Variants in ARHGAP39 observed in about 807,000 individuals in gnomAD.
ARHGAP39 encodes the protein Rho GTPase activating protein 39, also known as rho GTPase-activating protein 39.
ARHGAP39 carries 44 observed loss-of-function variants against 106.9 expected under a neutral mutation model. That is an observed-to-expected ratio of 0.41 (90% CI 0.32 to 0.53). The LOEUF (loss-of-function observed/expected upper bound fraction) is 0.53, where lower values mean the gene tolerates loss of function less well. Ranked by LOEUF, ARHGAP39 falls within the 20% of genes least tolerant of loss-of-function variation. The pLI, the probability that ARHGAP39 is intolerant of heterozygous loss-of-function variation, is 0.21. For missense variants in ARHGAP39, 1,496 were observed against 1,577.3 expected, an observed-to-expected ratio of 0.95 and a Z score of 0.87; for synonymous variants, 768 against 693.2, an observed-to-expected ratio of 1.11 and a Z score of -1.69.
chr8:144,557,018 G>C (rs1010395936), intron 3 of ARHGAP39, among the ~76,000 whole-genome samples: 1 of 143,996 alleles, frequency 6.9e-6, no homozygotes, highest in African/African-American at 2.8e-5. Context: ...AACCTTCATA[G>C]TATTCAGTGG....
intron 1 of ARHGAP39, among the ~76,000 whole-genome samples, chr8:144,675,997 T>C (rs1216411206): frequency 6.6e-6 from 1 of 152,200 alleles, no homozygotes; most frequent in East Asian, 1.9e-4. Context: ...AGTGGGTTCA[T>C]GGTCTCGCTG....
At chr8:144,562,086 TCGGAC>T (rs1376288467) in intron 3 of ARHGAP39, among the ~76,000 whole-genome samples, 59 of 146,860 alleles carry the variant, frequency 4.0e-4, no homozygotes, top group Admixed American at 8.8e-4. Context: ...GTGGTTTCCA[TCGGAC>T]TTACTCCAGT....
intron 1 of ARHGAP39, among the ~76,000 whole-genome samples, chr8:144,617,585 CAAAA>C (rs869298361): frequency 5.8e-5 from 4 of 68,594 alleles, no homozygotes; most frequent in East Asian, 4.0e-4. Context: ...ACTGAAAAGA[CAAAA>C]AAAAAAAAAA....
At chr8:144,638,164 T>G (rs1487843167) in intron 1 of ARHGAP39, among the ~76,000 whole-genome samples, 2 of 152,206 alleles carry the variant, frequency 1.3e-5, no homozygotes, top group African/African-American at 2.4e-5. Context: ...CTCTCAATAT[T>G]GAAGATGAAC....
chr8:144,556,942 G>A (rs1307011532), intron 3 of ARHGAP39, among the ~76,000 whole-genome samples: 1 of 142,342 alleles, frequency 7.0e-6, no homozygotes, highest in African/African-American at 3.0e-5. Flanking sequence ...AGAGGCAAAA[G>A]GCTGAACCTT....
chr8:144,529,401 G>C lies in ARHGAP39; in HGVS notation c.*1021C>G, dbSNP rs1816556527. On this transcript the variant is annotated 3_prime_UTR_variant, in exon 12 of 12. Transcript: ENST00000377307. ...GGAGAAATTAAGTTTTACAACAATT[G>C]GAACTCAAAATTCCAAAATGGAAAA... 1 of 152,480 alleles carries C rather than the reference G, an allele frequency of 6.6e-6. No homozygotes were observed. The highest frequency in any genetic ancestry group is 1.5e-5 in the Non-Finnish European group (1 of 68,160). 9.4% of individuals were successfully genotyped at this position (152,480 alleles called of 1,614,324 possible).
rs146590658 is a variant in ARHGAP39 at position 144,574,631 on chromosome 8, G to A, written c.512+6215C>T. Among the ~76,000 whole-genome samples, 5 of 152,252 alleles carry A rather than the reference G, an allele frequency of 3.3e-5. No homozygotes were observed. In the East Asian group the frequency reaches 5.8e-4, roughly 18 times the overall value. ...GGAGCTTGCAGTAAGCTGAGATTGCGGCACTGCATTCCAGCCTGGGCGACA... is the reference window on the plus strand; with the variant it reads ...GGAGCTTGCAGTAAGCTGAGATTGCAGCACTGCATTCCAGCCTGGGCGACA... On this transcript the variant is annotated intron_variant, in intron 3 of 11. Transcript: ENST00000377307.
At chr8:144,532,226 C>A in intron 10 of ARHGAP39, 79 bp downstream of exon 10, 1 of 1,262,390 alleles carries the variant, frequency 7.9e-7, no homozygotes, top group Non-Finnish European at 1.1e-6. Flanking sequence ...AGGGTGGACC[C>A]CAGAGGCGGA....
intron 10 of ARHGAP39, 103 bp downstream of exon 10, chr8:144,532,202 C>T: frequency 2.1e-6 from 2 of 940,942 alleles, no homozygotes. Flanking sequence ...GCCATCACAT[C>T]ACTGGGCAGG....
chr8:144,655,780 T>C (rs1821678583), intron 1 of ARHGAP39, among the ~76,000 whole-genome samples: 1 of 152,022 alleles, frequency 6.6e-6, no homozygotes, highest in Non-Finnish European at 1.5e-5. Flanking sequence ...GCCACCGAGG[T>C]TTCTGGCCAG....
At chr8:144,589,353 G>A (rs1586585102) in intron 2 of ARHGAP39, among the ~76,000 whole-genome samples, 1 of 152,202 alleles carries the variant, frequency 6.6e-6, no homozygotes, top group Non-Finnish European at 1.5e-5. Context: ...GGCGTGTCCC[G>A]GCAGGGCCTA....
intron 3 of ARHGAP39, among the ~76,000 whole-genome samples, chr8:144,568,319 G>T: frequency 8.9e-6 from 1 of 112,478 alleles, no homozygotes; most frequent in East Asian, 2.9e-4. Context: ...GGGTGACAGA[G>T]TGAGACTCTG....
chr8:144,612,440 G>A, intron 1 of ARHGAP39, among the ~76,000 whole-genome samples: 2 of 886 alleles, frequency 2.3e-3, no homozygotes, highest in African/African-American at 0.022. Flanking sequence ...CTGCACTCCA[G>A]CCAGGGCGAC....
the ARHGAP39 span, among the ~76,000 whole-genome samples, chr8:144,692,386 G>C: frequency 6.6e-6 from 1 of 152,208 alleles, no homozygotes; most frequent in Non-Finnish European, 1.5e-5. Context: ...ACAGACATCA[G>C]CCCCTCAGCT....
At chr8:144,661,985 T>C (rs1217383383) in intron 1 of ARHGAP39, among the ~76,000 whole-genome samples, 1 of 139,946 alleles carries the variant, frequency 7.1e-6, no homozygotes, top group Non-Finnish European at 1.5e-5. Flanking sequence ...ACCCTCCCCA[T>C]TATCCACCTT....
chr8:144,621,743 C>G (rs1820812515), intron 1 of ARHGAP39, among the ~76,000 whole-genome samples: 1 of 152,112 alleles, frequency 6.6e-6, no homozygotes. Flanking sequence ...GCTTGAGGCC[C>G]TGAGGTAGAG....
chr8:144,643,842 A>C (rs1454950083), intron 1 of ARHGAP39, among the ~76,000 whole-genome samples: 1 of 152,210 alleles, frequency 6.6e-6, no homozygotes, highest in Admixed American at 6.5e-5. Context: ...AAAGGTTATG[A>C]ATTTTGATAG....
chr8:144,583,463 G>A (rs529307111), intron 2 of ARHGAP39, among the ~76,000 whole-genome samples: 9 of 152,144 alleles, frequency 5.9e-5, no homozygotes, highest in Non-Finnish European at 1.3e-4. Flanking sequence ...CGGCCCGGGC[G>A]GGACTGGGTG....
the ARHGAP39 span, among the ~76,000 whole-genome samples, chr8:144,696,556 T>C: frequency 6.6e-6 from 1 of 152,228 alleles, no homozygotes; most frequent in Non-Finnish European, 1.5e-5. Flanking sequence ...GAGTTGCCCG[T>C]CACGGTTACA....
Sources: allele counts gnomAD v4.1 joint callset (sites outside exome capture counted in the v4.1 genomes callset), GRCh38; gene constraint gnomAD v4.1.1; transcripts MANE v1.5; gene names NCBI Gene and HGNC (gene_info 2026-07-23, HGNC 2026-07-21).